NDUFS1: variants seen among roughly 807,000 people sequenced by gnomAD.
The protein encoded by NDUFS1 is NADH:ubiquinone oxidoreductase core subunit S1.
Under a neutral mutation model 84.4 loss-of-function variants are expected in NDUFS1, and 61 were observed. The ratio of observed to expected loss-of-function variants is 0.72; its 90% CI spans 0.59 to 0.89. NDUFS1 has a LOEUF of 0.89. Ranked by LOEUF, NDUFS1 falls within the 40% of genes least tolerant of loss-of-function variation. The probability of loss-of-function intolerance (pLI) is 0.00; values close to 1 mark genes in which losing one functional copy is unlikely to be tolerated. For synonymous variants in NDUFS1, 275 were observed against 290.0 expected (o/e 0.95, Z 0.53); for missense variants, 891 against 890.0 (o/e 1.00, Z -0.01).
chr2:206,136,889 G>C (rs1411949662), intron 13 of NDUFS1, among the ~76,000 whole-genome samples: 1 of 151,594 alleles, frequency 6.6e-6, no homozygotes, highest in African/African-American at 2.4e-5. Flanking sequence ...CTGAGTAGCT[G>C]GGATTATGCA....
intron 18 of NDUFS1, among the ~76,000 whole-genome samples, chr2:206,125,741 A>G (rs1691268770): frequency 6.6e-6 from 1 of 151,760 alleles, no homozygotes; most frequent in African/African-American, 2.4e-5. Context: ...TGTTGTACAG[A>G]ATACTTCATC....
intron 2 of NDUFS1, among the ~76,000 whole-genome samples, chr2:206,152,955 C>T (rs1692432893): frequency 6.6e-6 from 1 of 152,016 alleles, no homozygotes. Flanking sequence ...CCTTCTGCCT[C>T]GGCCTCCCAA....
At chr2:206,148,044 C>A (rs1692227100) in intron 5 of NDUFS1, among the ~76,000 whole-genome samples, 1 of 152,080 alleles carries the variant, frequency 6.6e-6, no homozygotes, top group African/African-American at 2.4e-5. Flanking sequence ...CTTGCCTCAG[C>A]CTCCCGAGTA....
At position 206,119,168 on chromosome 2, in the gene NDUFS1, T is replaced by C. The variant is rs926271077; in HGVS notation, c.*5017A>G. 6.6e-6 allele frequency: 1 copy of C among 152,210 alleles called. No individual in the cohort carries two copies. The highest frequency in any genetic ancestry group is 2.4e-5 in the African/African-American group (1 of 41,458). The allele number at this position is 152,210 out of a possible 1,614,324, so 9.4% of individuals were successfully genotyped here. On this transcript the variant is annotated 3_prime_UTR_variant, in exon 19 of 19. Coordinates refer to ENST00000233190, the MANE Select transcript of NDUFS1 (RefSeq NM_005006.7). ...AGGCATGGCTTTCCCTCATAGTCTATGAAATTTTCCTACAATGATCATCCT... is the reference window on the plus strand; with the variant it reads ...AGGCATGGCTTTCCCTCATAGTCTACGAAATTTTCCTACAATGATCATCCT...
At chr2:206,131,541 T>C (rs1691510837) in intron 14 of NDUFS1, among the ~76,000 whole-genome samples, 1 of 152,052 alleles carries the variant, frequency 6.6e-6, no homozygotes, top group South Asian at 2.1e-4. Context: ...GTGGCTCGTA[T>C]CTGTAATCCC....
At chr2:206,130,299 A>G in intron 14 of NDUFS1, 57 bp from the exon 15 acceptor site, 3 of 1,587,492 alleles carry the variant, frequency 1.9e-6, no homozygotes, top group Non-Finnish European at 2.6e-6. Context: ...GTAAAAAATT[A>G]AATGTGATTT....
intron 14 of NDUFS1, among the ~76,000 whole-genome samples, chr2:206,132,384 G>A (rs1418754612): frequency 2.0e-5 from 3 of 152,102 alleles, no homozygotes; most frequent in Non-Finnish European, 4.4e-5. Flanking sequence ...AGGAGTTTGA[G>A]ATCAACCTGG....
intron 12 of NDUFS1, among the ~76,000 whole-genome samples, chr2:206,140,943 T>TATATATATATATATACACACAC (rs367723817): frequency 8.1e-5 from 11 of 136,136 alleles, no homozygotes; most frequent in Admixed American, 3.9e-4. Context: ...TATATATATA[T>TATATATATATATATACACACAC]ACACACACAC....
intron 8 of NDUFS1, among the ~76,000 whole-genome samples, chr2:206,145,287 C>A (rs984503518): frequency 4.5e-4 from 69 of 152,032 alleles, no homozygotes; most frequent in African/African-American, 1.6e-3. Flanking sequence ...TATCCTCTCA[C>A]CACATTTTAA....
chr2:206,138,517 C>A lies in NDUFS1; in HGVS notation c.1360G>T (p.Asp454Tyr). 5.0e-6 allele frequency: 8 copies of A among 1,614,090 alleles called. No individual in the cohort carries two copies. Among genetic ancestry groups the A allele is most frequent in the Non-Finnish European group, 6.8e-6 (8 of 1,179,974 alleles). The change falls in exon 13 of 19, where the codon GAC (aspartate) becomes TAC (tyrosine). Residue 454 changes from aspartate (D) to tyrosine (Y), a missense_variant. By Grantham distance (160) the Asp-to-Tyr change is radical. Coordinates refer to ENST00000233190, the MANE Select transcript of NDUFS1 (RefSeq NM_005006.7). ...AATGGATGGCTTCCCGAAGCAATGT[C>A]TTGAAGAATTTTGGGGGAGTCTCCC... ...HLGDSPKILQ[D>Y]IASGSHPFSQ...
At chr2:206,143,874 G>C (rs954078133) in intron 10 of NDUFS1, 144 bp downstream of exon 10, 2 of 691,110 alleles carry the variant, frequency 2.9e-6, no homozygotes, top group Non-Finnish European at 5.1e-6. Flanking sequence ...TATGTCCTCA[G>C]TAGATGTCTG....
intron 15 of NDUFS1, among the ~76,000 whole-genome samples, chr2:206,128,200 C>G (rs565393269): frequency 6.6e-6 from 1 of 152,180 alleles, no homozygotes; most frequent in African/African-American, 2.4e-5. Flanking sequence ...GAGTCTCGCT[C>G]TGTCGCCCAG....
rs1264818012 is a variant in NDUFS1, at chr2:206,142,443, G to A, written c.1133+243C>T. ...TTGGCCAGGCTGGTCTCAAACTCCT[G>A]CACTTAGGCGATCTGCCTGCCTTGG... is the stretch of plus-strand genomic sequence containing the variant. On this transcript the variant is annotated intron_variant, in intron 11 of 18. Transcript: ENST00000233190. Among the ~76,000 whole-genome samples, 5 of 152,188 alleles carry A rather than the reference G, an allele frequency of 3.3e-5. No individual in the cohort carries two copies. The East Asian group carries it at 9.6e-4, about 29-fold the overall frequency.
At chr2:206,141,595 ATT>A (rs1384829752) in intron 12 of NDUFS1, among the ~76,000 whole-genome samples, 4 of 101,914 alleles carry the variant, frequency 3.9e-5, no homozygotes, top group Admixed American at 1.0e-4. Context: ...AATTAAAAAA[ATT>A]AAAAAAAAAA....
intron 13 of NDUFS1, 50 bp from the exon 14 acceptor site, chr2:206,133,155 GA>G: frequency 6.8e-7 from 1 of 1,460,410 alleles, no homozygotes; most frequent in Non-Finnish European, 9.4e-7. Flanking sequence ...CAAGTAAGCT[GA>G]ACACCAAACC....
At chr2:206,144,777 C>A in intron 9 of NDUFS1, 115 bp downstream of exon 9, 1 of 1,069,228 alleles carries the variant, frequency 9.4e-7, no homozygotes. Flanking sequence ...AACTCAGATT[C>A]CAGTAGTCTA....
At chr2:206,158,212 T>C (rs1295753863) in intron 1 of NDUFS1, among the ~76,000 whole-genome samples, 1 of 152,140 alleles carries the variant, frequency 6.6e-6, no homozygotes, top group African/African-American at 2.4e-5. Context: ...TCCGCCCGCC[T>C]CGGCCTCCCA....
rs1392537909 is a variant in NDUFS1 at position 206,129,619 on chromosome 2, G to A, written c.1708+469C>T. On this transcript the variant is annotated intron_variant, in intron 15 of 18. Coordinates refer to ENST00000233190, the MANE Select transcript of NDUFS1 (RefSeq NM_005006.7). Reference sequence around the variant, plus strand: ...TTTTTTTTTTTTTTTGAGAGGGAATGTCACTCTTATTGCCTAGGCTGGAGT... The same window carrying A: ...TTTTTTTTTTTTTTTGAGAGGGAATATCACTCTTATTGCCTAGGCTGGAGT... 3.4e-5 allele frequency among the ~76,000 whole-genome samples: 5 copies of A among 147,804 alleles called. No homozygotes were observed. In the East Asian group the frequency reaches 7.9e-4, roughly 23 times the overall value.
At chr2:206,152,606 T>G (rs1482502817) in intron 2 of NDUFS1, 96 bp from the exon 3 acceptor site, 4 of 1,048,528 alleles carry the variant, frequency 3.8e-6, no homozygotes, top group Non-Finnish European at 5.9e-6. Context: ...CCTAAAATTT[T>G]TCATTCCTTA....
Sources: gnomAD v4.1 joint callset for allele counts (sites outside exome capture counted in the v4.1 genomes callset) on GRCh38, gnomAD v4.1.1 for gene constraint, MANE v1.5 for transcripts, NCBI Gene and HGNC (gene_info 2026-07-23, HGNC 2026-07-21) for gene names.